Variants in ANKRD44 observed in about 807,000 individuals in gnomAD.
ANKRD44 encodes serine/threonine-protein phosphatase 6 regulatory ankyrin repeat subunit B.
Under a neutral mutation model 116.0 loss-of-function variants are expected in ANKRD44, and 35 were observed. That is an observed-to-expected ratio of 0.30 (90% CI 0.23 to 0.40). ANKRD44 has a LOEUF of 0.40. ANKRD44 is among the 10% of genes least tolerant of loss of function. The pLI, the probability that ANKRD44 is intolerant of heterozygous loss-of-function variation, is 1.00. For missense variants in ANKRD44, 1,014 were observed against 1,242.6 expected (o/e 0.82, Z 2.77); for synonymous variants, 435 against 461.8 (o/e 0.94, Z 0.74).
chr2:197,235,640 T>G (rs2081962330), intron 1 of ANKRD44, among the ~76,000 whole-genome samples: 1 of 147,460 alleles, frequency 6.8e-6, no homozygotes. Context: ...AAAAGTAGTG[T>G]AAGATCCAAC....
intron 2 of ANKRD44, among the ~76,000 whole-genome samples, chr2:197,172,096 C>T (rs749938528): frequency 2.3e-4 from 34 of 150,724 alleles, no homozygotes; most frequent in Non-Finnish European, 4.0e-4. Context: ...CACCTCCCAG[C>T]GTCAAGTAAT....
At chr2:197,152,853 T>A (rs1408622603) in intron 2 of ANKRD44, among the ~76,000 whole-genome samples, 2 of 152,150 alleles carry the variant, frequency 1.3e-5, no homozygotes, top group African/African-American at 2.4e-5. Flanking sequence ...TTCCACCCTG[T>A]ATATGAATAT....
intron 1 of ANKRD44, among the ~76,000 whole-genome samples, chr2:197,303,157 G>C (rs2083963691): frequency 6.6e-6 from 1 of 152,210 alleles, no homozygotes; most frequent in African/African-American, 2.4e-5. Flanking sequence ...CCAAACCTGG[G>C]AAACTTTAAA....
At chr2:197,218,730 T>C (rs1227987228) in intron 1 of ANKRD44, among the ~76,000 whole-genome samples, 6 of 146,106 alleles carry the variant, frequency 4.1e-5, no homozygotes, top group Admixed American at 2.8e-4. Context: ...TTAGACTTCC[T>C]GGTATGGGAG....
chr2:197,192,362 G>A (rs962029208), intron 1 of ANKRD44, among the ~76,000 whole-genome samples: 4 of 152,260 alleles, frequency 2.6e-5, no homozygotes, highest in Non-Finnish European at 4.4e-5. Flanking sequence ...GGAAAATAAA[G>A]ACTCCAAGTC....
chr2:197,006,009 G>C, intron 20 of ANKRD44, 99 bp from the exon 21 acceptor site: 1 of 1,108,966 alleles, frequency 9.0e-7, no homozygotes, highest in Non-Finnish European at 1.3e-6. Flanking sequence ...GTGGACATAT[G>C]CCTGGGTCTT....
At chr2:197,252,532 GA>G (rs1301514818) in intron 1 of ANKRD44, among the ~76,000 whole-genome samples, 1 of 151,896 alleles carries the variant, frequency 6.6e-6, no homozygotes, top group Non-Finnish European at 1.5e-5. Flanking sequence ...TCAGCCTCCC[GA>G]GTAGCTGGGA....
intron 4 of ANKRD44, among the ~76,000 whole-genome samples, chr2:197,128,629 C>T (rs2079030737): frequency 6.6e-6 from 1 of 152,184 alleles, no homozygotes; most frequent in Admixed American, 6.5e-5. Flanking sequence ...TGTCCAGAAG[C>T]TCTTTAGTTT....
chr2:197,042,499 T>TA (rs774188881), intron 16 of ANKRD44, among the ~76,000 whole-genome samples: 3,738 of 106,230 alleles, frequency 0.035, 84 homozygotes, highest in African/African-American at 0.076. Flanking sequence ...CCTCCACTAC[T>TA]AAAAAAAAAA....
At chr2:197,048,235 C>A (rs899075570) in intron 16 of ANKRD44, among the ~76,000 whole-genome samples, 3 of 151,606 alleles carry the variant, frequency 2.0e-5, no homozygotes, top group Admixed American at 6.6e-5. Context: ...ACATGTGCAC[C>A]ACGTGCAGGT....
At chr2:197,007,564 T>C (rs1456541342) in intron 20 of ANKRD44, among the ~76,000 whole-genome samples, 2 of 152,238 alleles carry the variant, frequency 1.3e-5, no homozygotes, top group Non-Finnish European at 2.9e-5. Flanking sequence ...TGTTCATGCA[T>C]CTATTATCAC....
At chr2:197,073,977 A>C (rs528064501) in intron 16 of ANKRD44, among the ~76,000 whole-genome samples, 22 of 152,006 alleles carry the variant, frequency 1.4e-4, no homozygotes, top group Non-Finnish European at 2.6e-4. Flanking sequence ...TTTTTCTGCC[A>C]CATTACAAAA....
chr2:197,177,044 G>A (rs1489499355), intron 2 of ANKRD44, among the ~76,000 whole-genome samples: 6 of 152,046 alleles, frequency 3.9e-5, no homozygotes, highest in African/African-American at 9.7e-5. Context: ...AATCAGGGCC[G>A]GCACAATTAG....
chr2:197,208,245 C>T lies in ANKRD44; in HGVS notation c.28-21139G>A, dbSNP rs2376293. On this transcript the variant is annotated intron_variant, in intron 1 of 27. Coordinates refer to ENST00000282272, the MANE Select transcript of ANKRD44 (RefSeq NM_001195144.2). ...TTGATACCAGGTGACAACCCCCACG[C>T]GCCCCAATAGTGCAAGAACAAAGTG... is the stretch of plus-strand genomic sequence containing the variant. Among the ~76,000 whole-genome samples, 763 of 152,254 alleles carry T rather than the reference C, an allele frequency of 5.0e-3. 9 individuals are homozygous for T. Among genetic ancestry groups the T allele is most frequent in the South Asian group, 9.1e-3 (44 of 4,820 alleles).
chr2:197,050,702 T>C (rs895675839), intron 16 of ANKRD44, among the ~76,000 whole-genome samples: 3 of 151,506 alleles, frequency 2.0e-5, no homozygotes, highest in Non-Finnish European at 4.4e-5. Context: ...GCATTACAGG[T>C]GTGAGCCATC....
intron 1 of ANKRD44, among the ~76,000 whole-genome samples, chr2:197,234,713 A>G (rs576046559): frequency 6.6e-6 from 1 of 152,298 alleles, no homozygotes; most frequent in East Asian, 1.9e-4. Flanking sequence ...ACGATCACAG[A>G]GCTTTGCTAA....
At chr2:197,005,276 C>T (rs2076182054) in intron 21 of ANKRD44, among the ~76,000 whole-genome samples, 1 of 151,982 alleles carries the variant, frequency 6.6e-6, no homozygotes, top group African/African-American at 2.4e-5. Flanking sequence ...ACACAACAAA[C>T]ACCAAAAGAT....
chr2:197,248,554 A>ATG lies in ANKRD44; in HGVS notation c.28-61450_28-61449dup, dbSNP rs3057750. Among the ~76,000 whole-genome samples, 409 of 135,320 alleles carry ATG rather than the reference A, an allele frequency of 3.0e-3. 5 individuals carry two copies. Among genetic ancestry groups the ATG allele is most frequent in the African/African-American group, 9.0e-3 (337 of 37,390 alleles). 88.8% of individuals were successfully genotyped at this position (135,320 alleles called of 152,430 possible). A position where few individuals can be genotyped will look rare whatever the true frequency, so the allele number is the denominator to read the frequency against. On this transcript the variant is annotated intron_variant, in intron 1 of 27. Transcript: ENST00000282272. ...TTATATATATTATACATATATGTAT[A>ATG]TGTGTGTGTGTGTGTGTGTGTGTGT... is the stretch of plus-strand genomic sequence containing the variant.
chr2:197,188,514 C>T (rs2080742532), intron 1 of ANKRD44, among the ~76,000 whole-genome samples: 1 of 152,228 alleles, frequency 6.6e-6, no homozygotes, highest in Admixed American at 6.5e-5. Flanking sequence ...AAGCCAGTCT[C>T]ACACTTGCTA....
Sources: allele counts gnomAD v4.1 joint callset (sites outside exome capture counted in the v4.1 genomes callset), GRCh38; gene constraint gnomAD v4.1.1; transcripts MANE v1.5; gene names NCBI Gene and HGNC (gene_info 2026-07-23, HGNC 2026-07-21).